The following FMNL2 variants were observed in gnomAD, a reference collection of about 807,000 sequenced individuals.
FMNL2 encodes formin-like protein 2.
A neutral mutation model predicts 130.2 loss-of-function variants in FMNL2; 51 were observed. That is an observed-to-expected ratio of 0.39 (90% confidence interval 0.31 to 0.49). FMNL2 has a LOEUF of 0.49. Among genes scored for constraint, FMNL2 ranks in the 20% least tolerant of loss-of-function variants. The pLI is 0.85. For missense variants in FMNL2, 977 were observed against 1,316.2 expected (o/e 0.74, Z 3.99); for synonymous variants, 465 against 467.1 (o/e 1.00, Z 0.06).
chr2:152,421,646 G>A (rs1558849366), intron 1 of FMNL2, among the ~76,000 whole-genome samples: 2 of 152,274 alleles, frequency 1.3e-5, no homozygotes, highest in East Asian at 1.9e-4. Context: ...TAGGAACTTC[G>A]AGAAATGTGA....
chr2:152,558,225 T>C (rs1695332999), intron 4 of FMNL2, among the ~76,000 whole-genome samples: 2 of 152,198 alleles, frequency 1.3e-5, no homozygotes, highest in Non-Finnish European at 2.9e-5. Flanking sequence ...ATTATCCCTA[T>C]TGAATTTCTA....
At chr2:152,594,057 C>T (rs1462423028) in intron 9 of FMNL2, among the ~76,000 whole-genome samples, 1 of 152,046 alleles carries the variant, frequency 6.6e-6, no homozygotes, top group Non-Finnish European at 1.5e-5. Context: ...TCAGAAGAGA[C>T]CAGCACAGTA....
At chr2:152,637,520 T>C in intron 22 of FMNL2, 53 bp from the exon 23 acceptor site, 1 of 1,411,638 alleles carries the variant, frequency 7.1e-7, no homozygotes, top group African/African-American at 1.4e-5. Context: ...CCCTAGAGCA[T>C]CCAGTTCAAA....
At chr2:152,482,665 T>A (rs958161486) in intron 1 of FMNL2, among the ~76,000 whole-genome samples, 2 of 152,206 alleles carry the variant, frequency 1.3e-5, no homozygotes, top group African/African-American at 4.8e-5. Context: ...TTTCTCCATC[T>A]ACAAAATGGG....
At chr2:152,645,501 A>G in intron 25 of FMNL2, 5 of 1,290,148 alleles carry the variant, frequency 3.9e-6, no homozygotes, top group Non-Finnish European at 5.1e-6. Context: ...CTTCTAGCAC[A>G]CCGGTGGTGG....
intron 1 of FMNL2, among the ~76,000 whole-genome samples, chr2:152,409,499 A>G (rs1686170320): frequency 6.6e-6 from 1 of 152,190 alleles, no homozygotes; most frequent in Admixed American, 6.5e-5. Flanking sequence ...GGGGAAGTTA[A>G]GGAAAGGAGT....
At chr2:152,392,226 A>G (rs1391793043) in intron 1 of FMNL2, among the ~76,000 whole-genome samples, 1 of 151,894 alleles carries the variant, frequency 6.6e-6, no homozygotes. Context: ...CCTTTGTCAG[A>G]GTTCTGTTTG....
At chr2:152,441,889 C>G (rs773282892) in intron 1 of FMNL2, among the ~76,000 whole-genome samples, 62 of 151,858 alleles carry the variant, frequency 4.1e-4, no homozygotes, top group South Asian at 1.3e-3. Flanking sequence ...TAGATGAGAA[C>G]TGCAATAGGA....
Position 152,615,078 on chromosome 2 carries a change from T to C in FMNL2, c.1212+78T>C, listed in dbSNP as rs559126977. The C allele has an allele frequency of 3.1e-5, 47 of 1,516,526 alleles. No individual in the cohort carries two copies. The East Asian group carries it at 1.0e-3, about 34-fold the overall frequency. 93.9% of individuals were successfully genotyped at this position (1,516,526 alleles called of 1,614,324 possible). On this transcript the variant is annotated intron_variant, in intron 12 of 25. Coordinates refer to ENST00000288670, the MANE Select transcript of FMNL2 (RefSeq NM_052905.4). Reference sequence around the variant, plus strand: ...GCAGAATTAATGTCAGCTTTTATGGTGGTAAATTTAAGGATTTGGAGTATA... The same window carrying C: ...GCAGAATTAATGTCAGCTTTTATGGCGGTAAATTTAAGGATTTGGAGTATA...
At chr2:152,502,138 A>G (rs1432199656) in intron 1 of FMNL2, among the ~76,000 whole-genome samples, 1 of 152,184 alleles carries the variant, frequency 6.6e-6, no homozygotes, top group Non-Finnish European at 1.5e-5. Flanking sequence ...GGTGGCGCTA[A>G]CAGAGTTTTG....
intron 1 of FMNL2, among the ~76,000 whole-genome samples, chr2:152,338,730 C>T (rs1681618043): frequency 6.6e-6 from 1 of 151,804 alleles, no homozygotes; most frequent in Non-Finnish European, 1.5e-5. Flanking sequence ...ATAAAACTTA[C>T]ATTTAAGGGA....
intron 6 of FMNL2, among the ~76,000 whole-genome samples, chr2:152,561,970 C>T (rs1188027366): frequency 6.6e-6 from 1 of 152,152 alleles, no homozygotes; most frequent in Non-Finnish European, 1.5e-5. Context: ...GTGCTGACCA[C>T]CTGTACTAGT....
intron 1 of FMNL2, among the ~76,000 whole-genome samples, chr2:152,410,603 G>C (rs573720720): frequency 6.6e-6 from 1 of 152,286 alleles, no homozygotes; most frequent in South Asian, 2.1e-4. Flanking sequence ...CTTGAATTTG[G>C]TACTGTGACT....
chr2:152,634,162 T>G (rs1399049266), intron 21 of FMNL2, among the ~76,000 whole-genome samples: 1 of 152,114 alleles, frequency 6.6e-6, no homozygotes, highest in Non-Finnish European at 1.5e-5. Flanking sequence ...TATGGCCGGG[T>G]GCGGTAGCTC....
intron 1 of FMNL2, among the ~76,000 whole-genome samples, chr2:152,410,242 G>T (rs1686208725): frequency 6.6e-6 from 1 of 152,174 alleles, no homozygotes; most frequent in Non-Finnish European, 1.5e-5. Flanking sequence ...ATGTACAGGT[G>T]TTGACTCTAG....
Position 152,431,258 on chromosome 2 carries a change from C to T in FMNL2, c.118-90685C>T, listed in dbSNP as rs115609425. On this transcript the variant is annotated intron_variant, in intron 1 of 25. Coordinates refer to ENST00000288670, the MANE Select transcript of FMNL2 (RefSeq NM_052905.4). Reference sequence around the variant, plus strand: ...AAATGGAGAAAATAATCCCTACCCTCATAGGCTTATTATAAGGCTCAATTA... The same window carrying T: ...AAATGGAGAAAATAATCCCTACCCTTATAGGCTTATTATAAGGCTCAATTA... 9.5e-3 allele frequency among the ~76,000 whole-genome samples: 1,448 copies of T among 152,304 alleles called. 19 individuals carry two copies. The highest frequency in any genetic ancestry group is 0.033 in the African/African-American group (1,366 of 41,574).
intron 1 of FMNL2, among the ~76,000 whole-genome samples, chr2:152,502,126 G>A (rs921038816): frequency 7.2e-5 from 11 of 152,166 alleles, no homozygotes; most frequent in Non-Finnish European, 4.4e-5. Context: ...TATTTTGGGC[G>A]AGGTGGCGCT....
intron 2 of FMNL2, among the ~76,000 whole-genome samples, chr2:152,526,354 G>C (rs1475585142): frequency 1.3e-5 from 2 of 152,194 alleles, no homozygotes; most frequent in Non-Finnish European, 2.9e-5. Context: ...TGAAGGAAAA[G>C]ATGGTGATGC....
rs913727144 is a variant in FMNL2 at position 152,632,079 on chromosome 2, A to G, written c.2622A>G (p.Lys874=). Residue 874 remains lysine (K), a synonymous_variant, in exon 21 of 26, where the codon AAA becomes AAG. Transcript: ENST00000288670. ...ATATATCCAATGTGGTGAAAGAAAA[A>G]TATCACCAAGTGTCCCTGTTTTATA... ...LHYISNVVKE[K]YHQVSLFYNE... 1.2e-6 allele frequency: 2 copies of G among 1,613,476 alleles called. No homozygotes were observed. The highest frequency in any genetic ancestry group is 1.7e-5 in the Admixed American group (1 of 59,962).
Sources: allele counts gnomAD v4.1 joint callset (sites outside exome capture counted in the v4.1 genomes callset), GRCh38; gene constraint gnomAD v4.1.1; transcripts MANE v1.5; gene names NCBI Gene and HGNC (gene_info 2026-07-23, HGNC 2026-07-21).